The following MSI2 variants were observed in gnomAD, a reference collection of about 807,000 sequenced individuals.
MSI2 encodes the protein RNA-binding protein Musashi homolog 2.
In MSI2, 17 loss-of-function variants were observed where a neutral mutation model predicts 45.6. The ratio of observed to expected loss-of-function variants is 0.37; its 90% confidence interval spans 0.26 to 0.56. MSI2 has a LOEUF of 0.56. Ranked by LOEUF, MSI2 falls within the 20% of genes least tolerant of loss-of-function variation. The pLI is 0.77. For missense variants in MSI2, 293 were observed against 444.2 expected, an observed-to-expected ratio of 0.66 and a Z score of 3.06; for synonymous variants, 156 against 158.2, an observed-to-expected ratio of 0.99 and a Z score of 0.11.
chr17:57,539,901 G>A (rs2087005769), intron 7 of MSI2, among the ~76,000 whole-genome samples: 1 of 152,128 alleles, frequency 6.6e-6, no homozygotes, highest in Admixed American at 6.6e-5. Context: ...GTAAACACGT[G>A]GGGACCTTAC....
At chr17:57,562,475 G>T (rs1471908132) in intron 7 of MSI2, among the ~76,000 whole-genome samples, 1 of 152,218 alleles carries the variant, frequency 6.6e-6, no homozygotes, top group Non-Finnish European at 1.5e-5. Context: ...TAGGCGACTG[G>T]AAGTGCAGAG....
At chr17:57,413,951 G>A (rs564038701) in intron 6 of MSI2, among the ~76,000 whole-genome samples, 3 of 151,946 alleles carry the variant, frequency 2.0e-5, no homozygotes, top group Non-Finnish European at 4.4e-5. Flanking sequence ...TGATTACCTT[G>A]AATGCCAGGT....
intron 5 of MSI2, among the ~76,000 whole-genome samples, chr17:57,276,186 A>G (rs191784977): frequency 1.3e-5 from 2 of 152,320 alleles, no homozygotes; most frequent in East Asian, 1.9e-4. Flanking sequence ...TCTTGCCACA[A>G]TCATTTTAAT....
At chr17:57,423,282 G>A (rs1049490219) in intron 6 of MSI2, among the ~76,000 whole-genome samples, 17 of 152,276 alleles carry the variant, frequency 1.1e-4, no homozygotes, top group African/African-American at 2.4e-4. Context: ...CATTATCTTC[G>A]CCATTCGAGT....
chr17:57,597,975 G>A (rs1032734810), intron 8 of MSI2, among the ~76,000 whole-genome samples: 1 of 152,204 alleles, frequency 6.6e-6, no homozygotes, highest in Non-Finnish European at 1.5e-5. Context: ...GGAAGTTTGG[G>A]AAGTCGTGTA....
intron 5 of MSI2, among the ~76,000 whole-genome samples, chr17:57,332,080 T>C (rs1242869834): frequency 6.6e-6 from 1 of 152,126 alleles, no homozygotes; most frequent in Non-Finnish European, 1.5e-5. Flanking sequence ...GAAGAAAAGT[T>C]TGTAATTGGT....
intron 5 of MSI2, among the ~76,000 whole-genome samples, chr17:57,362,642 T>C (rs911772548): frequency 6.6e-6 from 1 of 152,170 alleles, no homozygotes; most frequent in Admixed American, 6.5e-5. Flanking sequence ...CATGTGGTTC[T>C]AGGGGGGAAA....
chr17:57,361,057 T>A (rs1916775958), intron 5 of MSI2, among the ~76,000 whole-genome samples: 1 of 152,170 alleles, frequency 6.6e-6, no homozygotes, highest in Non-Finnish European at 1.5e-5. Context: ...TCTGAAGGGA[T>A]CCTAGCTGAA....
intron 10 of MSI2, among the ~76,000 whole-genome samples, chr17:57,647,065 CTA>C (rs1392597582): frequency 6.6e-6 from 1 of 151,988 alleles, no homozygotes; most frequent in Non-Finnish European, 1.5e-5. Flanking sequence ...TAATTTTGAG[CTA>C]TGTTAACTCC....
At chr17:57,618,845 CTG>C (rs1472840743) in intron 9 of MSI2, among the ~76,000 whole-genome samples, 1 of 152,124 alleles carries the variant, frequency 6.6e-6, no homozygotes, top group Non-Finnish European at 1.5e-5. Context: ...CCCAGCAACG[CTG>C]TCTCTTAAAA....
At chr17:57,309,339 T>C (rs964590677) in intron 5 of MSI2, among the ~76,000 whole-genome samples, 2 of 152,214 alleles carry the variant, frequency 1.3e-5, no homozygotes, top group Admixed American at 1.3e-4. Flanking sequence ...ACTTGGATCA[T>C]GCCCCTGGTG....
intron 7 of MSI2, among the ~76,000 whole-genome samples, chr17:57,557,638 C>T (rs193249086): frequency 4.5e-4 from 69 of 152,358 alleles, no homozygotes; most frequent in Middle Eastern, 6.8e-3. Flanking sequence ...GGTGTTCCCC[C>T]TTGTGCCCAT....
intron 11 of MSI2, among the ~76,000 whole-genome samples, chr17:57,662,778 AT>A (rs1218139241): frequency 3.3e-5 from 5 of 152,248 alleles, no homozygotes; most frequent in African/African-American, 1.2e-4. Context: ...CGGTATAAGT[AT>A]TTTTTGCACC....
intron 5 of MSI2, among the ~76,000 whole-genome samples, chr17:57,351,150 C>G (rs1361933501): frequency 6.6e-6 from 1 of 152,036 alleles, no homozygotes; most frequent in East Asian, 1.9e-4. Flanking sequence ...TTGGCCAAGC[C>G]CAACCGGAAA....
intron 5 of MSI2, among the ~76,000 whole-genome samples, chr17:57,275,597 C>T (rs936044681): frequency 9.2e-5 from 14 of 152,176 alleles, no homozygotes; most frequent in African/African-American, 2.9e-4. Flanking sequence ...GGGGCATCCC[C>T]TGTATGTGGG....
At chr17:57,494,416 G>A (rs1294392328) in intron 6 of MSI2, among the ~76,000 whole-genome samples, 2 of 152,186 alleles carry the variant, frequency 1.3e-5, no homozygotes, top group Non-Finnish European at 2.9e-5. Context: ...ACAGACTGTG[G>A]ACCTGGAGTG....
intron 5 of MSI2, among the ~76,000 whole-genome samples, chr17:57,395,929 G>A (rs766606996): frequency 2.0e-5 from 3 of 152,114 alleles, no homozygotes; most frequent in Non-Finnish European, 4.4e-5. Context: ...TTTTCCATCC[G>A]CACAATGGGG....
intron 6 of MSI2, chr17:57,450,339 A>G (rs1301741472): frequency 6.7e-6 from 1 of 150,118 alleles, no homozygotes. Context: ...GTTAAATTAC[A>G]TAAAGTAATA....
intron 10 of MSI2, among the ~76,000 whole-genome samples, chr17:57,647,274 C>CAAAA (rs33915774): frequency 8.0e-5 from 3 of 37,670 alleles, no homozygotes; most frequent in Non-Finnish European, 1.1e-4. Context: ...ACTAAAAATA[C>CAAAA]AAAAAAAAAA....
Sources: allele counts gnomAD v4.1 joint callset (sites outside exome capture counted in the v4.1 genomes callset), GRCh38; gene constraint gnomAD v4.1.1; transcripts MANE v1.5; gene names NCBI Gene and HGNC (gene_info 2026-07-23, HGNC 2026-07-21).